The following DAPK3 variants were observed in gnomAD, a reference collection of about 807,000 sequenced individuals.
DAPK3 encodes death-associated protein kinase 3.
Under a neutral mutation model 30.6 loss-of-function variants are expected in DAPK3, and 24 were observed. The ratio of observed to expected loss-of-function variants is 0.78; its 90% CI spans 0.57 to 1.10. The LOEUF (loss-of-function observed/expected upper bound fraction) is 1.10, where lower values mean the gene tolerates loss of function less well. Among genes scored for constraint, DAPK3 ranks in the 50% least tolerant of loss-of-function variants. The pLI is 0.00. For missense variants in DAPK3, 629 were observed against 657.3 expected (o/e 0.96, Z 0.47); for synonymous variants, 341 against 284.0 (o/e 1.20, Z -2.02).
intron 7 of DAPK3, 76 bp from the exon 8 acceptor site, chr19:3,960,180 C>A (rs923861667): frequency 1.3e-6 from 1 of 794,572 alleles, no homozygotes; most frequent in African/African-American, 1.7e-5. Context: ...ACTCCCGGGA[C>A]CCCCAAAAGC....
chr19:3,967,447 C>T lies in DAPK3; in HGVS notation c.62+2227G>A, dbSNP rs372237983. Among the ~76,000 whole-genome samples, 15 of 144,578 alleles carry T rather than the reference C, an allele frequency of 1.0e-4. No individual in the cohort carries two copies. The South Asian group carries it at 2.0e-3, about 19-fold the overall frequency. 94.8% of individuals were successfully genotyped at this position (144,578 alleles called of 152,430 possible). Reference sequence around the variant, plus strand: ...CAGCCCGGGCGACACTGCAAGACTCCGTCTCAAAAAAAAAGTGTGGGCTGG... The same window carrying T: ...CAGCCCGGGCGACACTGCAAGACTCTGTCTCAAAAAAAAAGTGTGGGCTGG... On this transcript the variant is annotated intron_variant, in intron 2 of 8. Coordinates refer to ENST00000545797, the MANE Select transcript of DAPK3 (RefSeq NM_001348.3).
In DAPK3 at chr19:3,959,620, G is replaced by A. The variant is rs766719686; in HGVS notation, c.846C>T (p.Asn282=). ...HSWIKAIRRR[N]VRGEDSGRKP... ...TGCGGCCGCTGTCCTCACCACGCAC[G>A]TTCCGCCGCCGGATCGCCTAGGAAG... Residue 282 remains asparagine (N), a synonymous_variant, in exon 9 of 9, where the codon AAC becomes AAT. Coordinates refer to ENST00000545797, the MANE Select transcript of DAPK3 (RefSeq NM_001348.3). The A allele has an allele frequency of 2.5e-6, 4 of 1,581,354 alleles. No individual in the cohort carries two copies. In the African/African-American group the frequency reaches 4.0e-5, roughly 16 times the overall value.
chr19:3,963,783 AGCAAGGCCCCGCTTCATCCCCAGCT>A, intron 5 of DAPK3, 63 bp downstream of exon 5: 1 of 1,238,074 alleles, frequency 8.1e-7, no homozygotes, highest in East Asian at 2.5e-5. Flanking sequence ...CCCCAACAGC[AGCAAGGCCCCGCTTCATCCCCAGCT>A]GCAGCACTGG....
At chr19:3,969,905 T>C (rs1652629118) in intron 1 of DAPK3, 76 bp from the exon 2 acceptor site, 1 of 595,788 alleles carries the variant, frequency 1.7e-6, no homozygotes, top group Non-Finnish European at 3.0e-6. Flanking sequence ...GACAGACCTG[T>C]CCAGCAAACA....
Position 3,959,209 on chromosome 19 carries a change from G to C in DAPK3, c.1257C>G (p.Arg419=), listed in dbSNP as rs1244610453. The C allele has an allele frequency of 4.4e-6, 7 of 1,600,836 alleles. No homozygotes were observed. The African/African-American group carries it at 8.0e-5, about 18-fold the overall frequency. Residue 419 remains arginine, a synonymous_variant, in exon 9 of 9, where the codon CGC becomes CGG. Transcript: ENST00000545797. Reference sequence around the variant, plus strand: ...CTACTTGCTTGGCCAGCGCCTCGTAGCGGTTCTCCAGGCGGCTGAAGCGGC... The same window carrying C: ...CTACTTGCTTGGCCAGCGCCTCGTACCGGTTCTCCAGGCGGCTGAAGCGGC... ...LKRRFSRLEN[R]YEALAKQVAS...
At chr19:3,960,022 C>A (rs2304193) in intron 8 of DAPK3, 37 bp downstream of exon 8, 3 of 1,202,878 alleles carry the variant, frequency 2.5e-6, no homozygotes, top group Non-Finnish European at 3.7e-6. Context: ...AAGGCCAAGG[C>A]GGGAAGCCCA....
Position 3,960,079 on chromosome 19 carries a change from G to C in DAPK3, c.808C>G (p.Leu270Val). The change falls in exon 8 of 9, where the codon CTG (leucine) becomes GTG (valine). Residue 270 changes from leucine (L) to valine (V), a missense_variant. Transcript: ENST00000545797. ...CTTACCTTAATCCAGGAATGTTCCA[G>C]GCTCTGGGCAATGGTCATTCTCCGC... ...PKRRMTIAQSLEHSWIKAIRR... is the reference protein window; with the variant it reads ...PKRRMTIAQSVEHSWIKAIRR... 6.4e-7 allele frequency: 1 copy of C among 1,571,436 alleles called. No individual in the cohort carries two copies. Among genetic ancestry groups the C allele is most frequent in the Non-Finnish European group, 8.8e-7 (1 of 1,141,382 alleles).
Position 3,958,529 on chromosome 19 carries a change from G to A in DAPK3, c.*572C>T, listed in dbSNP as rs2039464782. 1 of 456,724 alleles carries A rather than the reference G, an allele frequency of 2.2e-6. No individual in the cohort carries two copies. Among genetic ancestry groups the A allele is most frequent in the Non-Finnish European group, 4.4e-6 (1 of 227,400 alleles). The allele number at this position is 456,724 out of a possible 1,614,324, so 28.3% of individuals were successfully genotyped here. On this transcript the variant is annotated 3_prime_UTR_variant, in exon 9 of 9. Transcript: ENST00000545797. ...CTAGGCGTCCACAGGCGCGACGATG[G>A]GGCTCGCGGAGGAGTCCGCAGCAGG...
At chr19:3,969,583 TAAAG>T (rs2039614008) in intron 2 of DAPK3, 87 bp downstream of exon 2, 1 of 854,946 alleles carries the variant, frequency 1.2e-6, no homozygotes, top group East Asian at 2.4e-5. Context: ...GCATACAGGA[TAAAG>T]AACAGGAAAG....
At chr19:3,962,396 T>C (rs549060185) in intron 6 of DAPK3, among the ~76,000 whole-genome samples, 3 of 152,330 alleles carry the variant, frequency 2.0e-5, no homozygotes, top group Admixed American at 6.5e-5. Flanking sequence ...GCCCACGCCA[T>C]TGTTTATTTC....
In DAPK3 at chr19:3,959,096, T is replaced by C. The variant is rs1284144164; in HGVS notation, c.*5A>G. ...TGTCCTGGGGCCTGGCCCACCCCAC[T>C]GCGCCTAGCGCAGCCCGCACTCCAC... On this transcript the variant is annotated 3_prime_UTR_variant, in exon 9 of 9. Coordinates refer to ENST00000545797, the MANE Select transcript of DAPK3 (RefSeq NM_001348.3). 3.3e-6 allele frequency: 5 copies of C among 1,509,620 alleles called. No individual in the cohort carries two copies. Among genetic ancestry groups the C allele is most frequent in the Non-Finnish European group, 4.4e-6 (5 of 1,131,100 alleles). The allele number at this position is 1,509,620 out of a possible 1,614,324, so 93.5% of individuals were successfully genotyped here.
Position 3,969,040 on chromosome 19 carries a change from G to A in DAPK3, c.62+634C>T, listed in dbSNP as rs147289240. 7.7e-3 allele frequency among the ~76,000 whole-genome samples: 1,171 copies of A among 152,308 alleles called. 19 individuals carry two copies. The highest frequency in any genetic ancestry group is 0.027 in the African/African-American group (1,119 of 41,576). The stretch of plus-strand genomic sequence containing the variant: ...AACAATTGACCGAGGTTTGGGCCCA[G>A]CTGGGAGACACGCCCCTCCCTCCCC... On this transcript the variant is annotated intron_variant, in intron 2 of 8. Coordinates refer to ENST00000545797, the MANE Select transcript of DAPK3 (RefSeq NM_001348.3).
At chr19:3,965,012 GAGTGGGGGTGGAGGAGGCGGAGGGAGTA>G in intron 2 of DAPK3, 21 bp from the exon 3 acceptor site, 3 of 1,456,386 alleles carry the variant, frequency 2.1e-6, no homozygotes, top group African/African-American at 1.4e-5. Context: ...GGGAGGGAGT[GAGTGGGGGTGGAGGAGGCGGAGGGAGTA>G]AGTGGGGGTG....
At chr19:3,963,146 A>C (rs1483254567) in intron 6 of DAPK3, among the ~76,000 whole-genome samples, 3 of 151,456 alleles carry the variant, frequency 2.0e-5, no homozygotes, top group Admixed American at 6.6e-5. Flanking sequence ...GGTTGTGTGC[A>C]CATGTAGTCC....
intron 3 of DAPK3, 57 bp downstream of exon 3, chr19:3,964,574 C>A: frequency 6.7e-7 from 1 of 1,483,576 alleles, no homozygotes; most frequent in South Asian, 1.2e-5. Flanking sequence ...CTCTTCCCCG[C>A]CCCATCCCCA....
intron 2 of DAPK3, among the ~76,000 whole-genome samples, chr19:3,968,568 A>G (rs566686212): frequency 6.6e-6 from 1 of 152,306 alleles, no homozygotes; most frequent in African/African-American, 2.4e-5. Flanking sequence ...TTTCCAATGA[A>G]TTAATTCCTA....
chr19:3,962,063 T>C (rs1484047542), intron 6 of DAPK3, among the ~76,000 whole-genome samples: 1 of 152,152 alleles, frequency 6.6e-6, no homozygotes, highest in Admixed American at 6.6e-5. Context: ...TTCATCGTGT[T>C]AGCCAGGATG....
At chr19:3,961,539 T>A in intron 6 of DAPK3, 1 of 500,714 alleles carries the variant, frequency 2.0e-6, no homozygotes, top group Non-Finnish European at 4.1e-6. Flanking sequence ...AGCCCGGCAG[T>A]GAGAGGCCCC....
At chr19:3,961,444 GC>G (rs2039511760) in intron 6 of DAPK3, 2 of 580,042 alleles carry the variant, frequency 3.4e-6, no homozygotes, top group African/African-American at 1.9e-5. Context: ...GAGCCCGAAA[GC>G]CCCCAGTGCT....
Sources: allele counts gnomAD v4.1 joint callset (sites outside exome capture counted in the v4.1 genomes callset), GRCh38; gene constraint gnomAD v4.1.1; transcripts MANE v1.5; gene names NCBI Gene and HGNC (gene_info 2026-07-23, HGNC 2026-07-21).